UNC5D: variants seen among roughly 807,000 people sequenced by gnomAD.
The protein encoded by UNC5D is netrin receptor UNC5D.
In UNC5D, 39 loss-of-function variants were observed where a neutral mutation model predicts 105.4. The observed-to-expected ratio is 0.37, with a 90% CI of 0.29 to 0.48. The LOEUF is 0.48. UNC5D is among the 20% of genes least tolerant of loss of function. The probability of loss-of-function intolerance (pLI) is 0.98; values close to 1 mark genes in which losing one functional copy is unlikely to be tolerated. For missense variants in UNC5D, 991 were observed against 1,202.4 expected (o/e 0.82, Z 2.60); for synonymous variants, 452 against 450.4 (o/e 1.00, Z -0.04).
At chr8:35,378,841 T>G (rs1445550356) in intron 1 of UNC5D, among the ~76,000 whole-genome samples, 1 of 152,126 alleles carries the variant, frequency 6.6e-6, no homozygotes, top group Non-Finnish European at 1.5e-5. Context: ...TGGTCTAGAA[T>G]GGGAATGGTG....
chr8:35,753,021 C>A (rs958076076), intron 13 of UNC5D, among the ~76,000 whole-genome samples: 1 of 152,150 alleles, frequency 6.6e-6, no homozygotes, highest in Non-Finnish European at 1.5e-5. Flanking sequence ...GTGAGATAGA[C>A]ATGTACTTAA....
At chr8:35,560,787 G>T (rs774802357) in intron 2 of UNC5D, among the ~76,000 whole-genome samples, 1 of 152,180 alleles carries the variant, frequency 6.6e-6, no homozygotes, top group Non-Finnish European at 1.5e-5. Flanking sequence ...AAAATACTGT[G>T]TTTGGGAGCA....
chr8:35,490,919 T>A (rs1325360627), intron 1 of UNC5D, among the ~76,000 whole-genome samples: 1 of 152,172 alleles, frequency 6.6e-6, no homozygotes, highest in South Asian at 2.1e-4. Flanking sequence ...CTTTTCTTTT[T>A]TTCATTTTCA....
At chr8:35,663,272 G>C (rs1251809555) in intron 4 of UNC5D, among the ~76,000 whole-genome samples, 3 of 152,192 alleles carry the variant, frequency 2.0e-5, no homozygotes, top group African/African-American at 7.2e-5. Flanking sequence ...TCTTTAGGTG[G>C]CTAAAGAAAA....
chr8:35,623,224 A>C (rs1045123656), intron 4 of UNC5D, among the ~76,000 whole-genome samples: 1 of 151,982 alleles, frequency 6.6e-6, no homozygotes, highest in Admixed American at 6.6e-5. Flanking sequence ...TCCCATACCA[A>C]GCCTGGGGAG....
chr8:35,394,929 C>T (rs1398497465), intron 1 of UNC5D, among the ~76,000 whole-genome samples: 2 of 152,124 alleles, frequency 1.3e-5, no homozygotes, highest in African/African-American at 4.8e-5. Flanking sequence ...ATCCCAGAAA[C>T]AAGCAGAGTG....
chr8:35,449,479 T>A (rs1043864567), intron 1 of UNC5D, among the ~76,000 whole-genome samples: 5 of 152,174 alleles, frequency 3.3e-5, no homozygotes, highest in African/African-American at 1.2e-4. Context: ...ATTTAGCATC[T>A]TTTATAGTGC....
At chr8:35,752,825 A>C (rs1830349593) in intron 13 of UNC5D, among the ~76,000 whole-genome samples, 1 of 152,246 alleles carries the variant, frequency 6.6e-6, no homozygotes, top group African/African-American at 2.4e-5. Flanking sequence ...AGATTTTAAA[A>C]GCTGAGTAAA....
chr8:35,553,061 G>A (rs564344682), intron 2 of UNC5D, among the ~76,000 whole-genome samples: 18 of 152,172 alleles, frequency 1.2e-4, no homozygotes, highest in African/African-American at 2.9e-4. Flanking sequence ...CAAAATAGCC[G>A]AATCCCATTG....
At chr8:35,730,890 A>G (rs1829155587) in intron 10 of UNC5D, 122 bp from the exon 11 acceptor site, 1 of 779,912 alleles carries the variant, frequency 1.3e-6, no homozygotes, top group African/African-American at 1.7e-5. Flanking sequence ...CCAAGGATTG[A>G]GATTTCATAA....
chr8:35,689,488 T>G (rs1354691342), intron 7 of UNC5D, among the ~76,000 whole-genome samples: 1 of 152,196 alleles, frequency 6.6e-6, no homozygotes, highest in Non-Finnish European at 1.5e-5. Flanking sequence ...GGAGAGATAT[T>G]TAAAGATATT....
Position 35,774,447 on chromosome 8 carries a change from A to G in UNC5D, c.2627A>G (p.Gln876Arg). 2 of 1,614,096 alleles carry G rather than the reference A, an allele frequency of 1.2e-6. No homozygotes were observed. Among genetic ancestry groups the G allele is most frequent in the South Asian group, 2.2e-5 (2 of 91,082 alleles). ...CCCAATGCCAAAGGCAAGGACTGGC[A>G]GATGTTAGCACAGAAAAACAGCATC... ...DTPNAKGKDW[Q>R]MLAQKNSINR... Residue 876 changes from glutamine to arginine, a missense_variant, in exon 16 of 17, where the codon CAG becomes CGG. This residue lies in a region of UNC5D where 944 missense variants were observed against 1,131.6 expected (regional missense o/e 0.83). Transcript: ENST00000404895.
intron 1 of UNC5D, among the ~76,000 whole-genome samples, chr8:35,528,369 C>T (rs369025751): frequency 6.6e-6 from 1 of 151,272 alleles, no homozygotes; most frequent in East Asian, 1.9e-4. Context: ...CTACAAAGGA[C>T]ACAAACTCAT....
chr8:35,570,065 A>G (rs1267858418), intron 3 of UNC5D, among the ~76,000 whole-genome samples: 1 of 152,214 alleles, frequency 6.6e-6, no homozygotes, highest in Non-Finnish European at 1.5e-5. Context: ...TGTCCAGGGA[A>G]AAACCTTGTT....
chr8:35,475,788 A>G (rs184262532), intron 1 of UNC5D, among the ~76,000 whole-genome samples: 7 of 152,324 alleles, frequency 4.6e-5, no homozygotes, highest in Admixed American at 4.6e-4. Context: ...ACTTATGACC[A>G]TAATGACCCA....
intron 1 of UNC5D, among the ~76,000 whole-genome samples, chr8:35,363,083 A>G (rs1801937605): frequency 6.6e-6 from 1 of 152,150 alleles, no homozygotes; most frequent in Non-Finnish European, 1.5e-5. Flanking sequence ...TTTATATTTA[A>G]TGACTTCAAA....
At chr8:35,366,122 T>A (rs1802105890) in intron 1 of UNC5D, among the ~76,000 whole-genome samples, 1 of 152,154 alleles carries the variant, frequency 6.6e-6, no homozygotes, top group Non-Finnish European at 1.5e-5. Context: ...ATTCCTGGGA[T>A]GCTTGGCCAA....
intron 1 of UNC5D, among the ~76,000 whole-genome samples, chr8:35,476,292 C>T (rs1810094478): frequency 6.6e-6 from 1 of 152,154 alleles, no homozygotes; most frequent in African/African-American, 2.4e-5. Context: ...AATACCACTC[C>T]CAACACCCGA....
Position 35,750,772 on chromosome 8 carries a change from G to A in UNC5D, c.2126G>A (p.Arg709Lys). 6.2e-7 allele frequency: 1 copy of A among 1,614,108 alleles called. No homozygotes were observed. The highest frequency in any genetic ancestry group is 8.5e-7 in the Non-Finnish European group (1 of 1,180,010). The change falls in exon 13 of 17, where the codon AGA becomes AAA. Residue 709 changes from arginine (R) to lysine (K), a missense_variant. Physicochemically the swap from Arg to Lys is conservative, Grantham distance 26 (BLOSUM62 2). Coordinates refer to ENST00000404895, the MANE Select transcript of UNC5D (RefSeq NM_080872.4). ...TGTAACTCCCTGGATTACAACTTGA[G>A]AGTTTACTGTGTGGACAATACCCCT... ...MSCNSLDYNL[R>K]VYCVDNTPCA...
Sources: allele counts gnomAD v4.1 joint callset (sites outside exome capture counted in the v4.1 genomes callset), GRCh38; gene constraint gnomAD v4.1.1; regional missense constraint gnomAD v4.1.1; transcripts MANE v1.5; gene names NCBI Gene and HGNC (gene_info 2026-07-23, HGNC 2026-07-21).